PRKAR1B: variants seen among roughly 807,000 people sequenced by gnomAD.
PRKAR1B encodes the protein cAMP-dependent protein kinase type I-beta regulatory subunit.
A neutral mutation model predicts 46.5 loss-of-function variants in PRKAR1B; 22 were observed. That is an observed-to-expected ratio of 0.47 (90% CI 0.34 to 0.68). PRKAR1B has a LOEUF of 0.68. Among genes scored for constraint, PRKAR1B ranks in the 30% least tolerant of loss-of-function variants. The pLI is 0.01. For synonymous variants in PRKAR1B, 259 were observed against 217.7 expected, an observed-to-expected ratio of 1.19 and a Z score of -1.67; for missense variants, 445 against 535.6, an observed-to-expected ratio of 0.83 and a Z score of 1.67.
intron 10 of PRKAR1B, 146 bp from the exon 11 acceptor site, chr7:550,748 T>C: frequency 1.6e-6 from 1 of 637,726 alleles, no homozygotes; most frequent in Non-Finnish European, 2.6e-6. Context: ...ACTTGTAGCA[T>C]AAGTATAGCC....
intron 9 of PRKAR1B, among the ~76,000 whole-genome samples, chr7:574,662 T>A (rs1360221940): frequency 2.6e-5 from 4 of 152,224 alleles, no homozygotes; most frequent in Non-Finnish European, 1.5e-5. Flanking sequence ...CAGGCTGATC[T>A]TGAAGTCCTG....
At chr7:673,418 G>A (rs1786400202) in intron 4 of PRKAR1B, among the ~76,000 whole-genome samples, 1 of 152,072 alleles carries the variant, frequency 6.6e-6, no homozygotes, top group Non-Finnish European at 1.5e-5. Context: ...GGGAGGCCGA[G>A]GAGAGTGGAT....
intron 1 of PRKAR1B, among the ~76,000 whole-genome samples, chr7:724,217 G>A (rs769385218): frequency 5.3e-5 from 8 of 151,984 alleles, no homozygotes; most frequent in South Asian, 4.1e-4. Context: ...TCCCACCTCC[G>A]CCCTTTCACC....
At chr7:587,029 G>GC (rs1314965717) in intron 7 of PRKAR1B, among the ~76,000 whole-genome samples, 2 of 151,928 alleles carry the variant, frequency 1.3e-5, no homozygotes, top group African/African-American at 4.8e-5. Flanking sequence ...GACTACAGGC[G>GC]CCCGCCACCA....
At position 669,482 on chromosome 7, in the gene PRKAR1B, G is replaced by T. The variant is rs183674934; in HGVS notation, c.440+7747C>A. Among the ~76,000 whole-genome samples, 717 of 152,208 alleles carry T rather than the reference G, an allele frequency of 4.7e-3. 4 individuals are homozygous for T. The highest frequency in any genetic ancestry group is 0.024 in the South Asian group (115 of 4,816). On this transcript the variant is annotated intron_variant, in intron 4 of 10. Transcript: ENST00000537384. ...TAAACACTTAAAAATGGCTAAAATG[G>T]GCTGGGTGCAGTGGCTCACACCTGT...
intron 9 of PRKAR1B, among the ~76,000 whole-genome samples, chr7:552,534 C>T (rs2128419045): frequency 6.6e-6 from 1 of 152,220 alleles, no homozygotes; most frequent in South Asian, 2.1e-4. Flanking sequence ...GCCACCACCA[C>T]ATCCAATGCT....
At chr7:588,570 G>A in intron 7 of PRKAR1B, among the ~76,000 whole-genome samples, 1 of 148,680 alleles carries the variant, frequency 6.7e-6, no homozygotes, top group African/African-American at 2.5e-5. Flanking sequence ...GGTGATGTTG[G>A]TGAGGATAGT....
At chr7:641,879 A>G (rs1186350226) in intron 4 of PRKAR1B, among the ~76,000 whole-genome samples, 1 of 151,674 alleles carries the variant, frequency 6.6e-6, no homozygotes, top group African/African-American at 2.4e-5. Flanking sequence ...ATATTGAATG[A>G]CTCCATTTAT....
At chr7:554,758 C>T (rs1778314011) in intron 9 of PRKAR1B, among the ~76,000 whole-genome samples, 1 of 150,630 alleles carries the variant, frequency 6.6e-6, no homozygotes, top group Non-Finnish European at 1.5e-5. Flanking sequence ...TCCCACAGAG[C>T]CGGAAGACAG....
chr7:558,040 G>A (rs1047538566), intron 9 of PRKAR1B, among the ~76,000 whole-genome samples: 7 of 152,138 alleles, frequency 4.6e-5, no homozygotes, highest in Admixed American at 1.3e-4. Flanking sequence ...CAGCTCAGAC[G>A]TAGTGGCTCA....
chr7:689,065 T>G (rs1459864022), intron 2 of PRKAR1B, among the ~76,000 whole-genome samples: 5 of 152,152 alleles, frequency 3.3e-5, no homozygotes, highest in African/African-American at 4.8e-5. Flanking sequence ...TCAGTATGTT[T>G]GAGGAAATAA....
At chr7:556,395 T>C (rs1431014994) in intron 9 of PRKAR1B, among the ~76,000 whole-genome samples, 1 of 147,828 alleles carries the variant, frequency 6.8e-6, no homozygotes, top group Non-Finnish European at 1.5e-5. Context: ...GTTTGCCTGA[T>C]GTGAATGCAA....
chr7:611,271 C>T (rs1323034485), intron 4 of PRKAR1B, among the ~76,000 whole-genome samples: 1 of 152,266 alleles, frequency 6.6e-6, no homozygotes, highest in Non-Finnish European at 1.5e-5. Context: ...CCCTCCCTCT[C>T]TCTGTCTCTC....
At chr7:727,101 C>T (rs1444010449) in intron 1 of PRKAR1B, 109 bp downstream of exon 1, 2 of 1,081,464 alleles carry the variant, frequency 1.8e-6, no homozygotes, top group Non-Finnish European at 2.2e-6. Flanking sequence ...GCTTGGCCGG[C>T]CCCGTGCCCG....
Position 550,377 on chromosome 7 carries a change from G to A in PRKAR1B, c.*53C>T. On this transcript the variant is annotated 3_prime_UTR_variant, in exon 11 of 11. Coordinates refer to ENST00000537384, the MANE Select transcript of PRKAR1B (RefSeq NM_001164760.2). ...GCTCCCGGGCCCCCGACACAGACGA[G>A]CAGGGCACGGCCACCACACTGGGGA... 2 of 1,524,100 alleles carry A rather than the reference G, an allele frequency of 1.3e-6. No homozygotes were observed. Among genetic ancestry groups the A allele is most frequent in the Non-Finnish European group, 8.9e-7 (1 of 1,122,916 alleles). The allele number at this position is 1,524,100 out of a possible 1,614,324, so 94.4% of individuals were successfully genotyped here.
At chr7:624,920 T>C (rs1783303562) in intron 4 of PRKAR1B, among the ~76,000 whole-genome samples, 3 of 152,186 alleles carry the variant, frequency 2.0e-5, no homozygotes, top group South Asian at 2.1e-4. Context: ...CAGGAAATAA[T>C]TGACATTTAC....
At chr7:660,449 C>T (rs1452808334) in intron 4 of PRKAR1B, among the ~76,000 whole-genome samples, 7 of 139,654 alleles carry the variant, frequency 5.0e-5, no homozygotes, top group Non-Finnish European at 1.1e-4. Flanking sequence ...CCCACCCCAA[C>T]GGGTCCAAAT....
chr7:663,941 G>A (rs1468823419), intron 4 of PRKAR1B, among the ~76,000 whole-genome samples: 2 of 152,190 alleles, frequency 1.3e-5, no homozygotes, highest in African/African-American at 4.8e-5. Context: ...TCTTTCCCAC[G>A]GAAACCGTGT....
intron 10 of PRKAR1B, 96 bp from the exon 11 acceptor site, chr7:550,698 T>C: frequency 9.3e-7 from 1 of 1,070,326 alleles, no homozygotes. Context: ...GGCTCCCTTT[T>C]AAGGATAGGA....
Sources: gnomAD v4.1 joint callset for allele counts (sites outside exome capture counted in the v4.1 genomes callset) on GRCh38, gnomAD v4.1.1 for gene constraint, MANE v1.5 for transcripts, NCBI Gene and HGNC (gene_info 2026-07-23, HGNC 2026-07-21) for gene names.